The following SLIT3 variants were observed in gnomAD, a reference collection of about 807,000 sequenced individuals.
SLIT3 encodes the protein slit homolog 3 protein.
Under a neutral mutation model 184.0 loss-of-function variants are expected in SLIT3, and 68 were observed. The observed-to-expected ratio is 0.37, with a 90% CI of 0.30 to 0.45. The LOEUF is 0.45. Ranked by LOEUF, SLIT3 falls within the 20% of genes least tolerant of loss-of-function variation. SLIT3 has a pLI of 1.00. For synonymous variants in SLIT3, 831 were observed against 828.6 expected (o/e 1.00, Z -0.05); for missense variants, 1,707 against 2,026.0 (o/e 0.84, Z 3.02).
intron 4 of SLIT3, among the ~76,000 whole-genome samples, chr5:168,932,578 G>A (rs1360199279): frequency 6.6e-6 from 1 of 152,122 alleles, no homozygotes; most frequent in East Asian, 1.9e-4. Flanking sequence ...AGATAGTATA[G>A]ATAAGCGACT....
chr5:169,164,562 C>T (rs565785463), intron 4 of SLIT3, among the ~76,000 whole-genome samples: 49 of 152,290 alleles, frequency 3.2e-4, no homozygotes, highest in African/African-American at 1.0e-3. Context: ...CCATTCTCTC[C>T]GGGCTGTTCT....
At chr5:168,960,707 A>T (rs1289235428) in intron 4 of SLIT3, among the ~76,000 whole-genome samples, 1 of 152,242 alleles carries the variant, frequency 6.6e-6, no homozygotes, top group Non-Finnish European at 1.5e-5. Context: ...CTGCTTCCTC[A>T]GTGTCCCAGA....
intron 12 of SLIT3, among the ~76,000 whole-genome samples, chr5:168,776,832 T>C (rs143558464): frequency 8.6e-4 from 131 of 152,072 alleles, no homozygotes; most frequent in African/African-American, 3.1e-3. Context: ...ACACAGTGTT[T>C]TGATTTTTTT....
chr5:169,045,720 A>AACC (rs146207877), intron 4 of SLIT3, among the ~76,000 whole-genome samples: 166 of 152,292 alleles, frequency 1.1e-3, no homozygotes, highest in African/African-American at 3.6e-3. Context: ...CCAGGAGCCA[A>AACC]ACCACAGCAA....
rs369999787 is a variant in SLIT3 at position 169,193,589 on chromosome 5, T to C, written c.342-39A>G. On this transcript the variant is annotated intron_variant, in intron 3 of 35. Coordinates refer to ENST00000519560, the MANE Select transcript of SLIT3 (RefSeq NM_003062.4). ...AGAATGGAAGGATGTCAAGGGGACA[T>C]TAAACCAGATCAAACGTATTCAGAT... The C allele has an allele frequency of 2.7e-6, 4 of 1,476,512 alleles. No individual in the cohort carries two copies. The African/African-American group carries it at 5.5e-5, about 20-fold the overall frequency. 91.5% of individuals were successfully genotyped at this position (1,476,512 alleles called of 1,614,324 possible).
chr5:168,673,077 A>G (rs1761302551), intron 33 of SLIT3, 100 bp downstream of exon 33: 2 of 1,163,410 alleles, frequency 1.7e-6, no homozygotes, highest in Admixed American at 4.0e-5. Flanking sequence ...CCCTTCCTCC[A>G]GGAAGCCTTC....
At chr5:169,007,239 A>G (rs867952299) in intron 4 of SLIT3, among the ~76,000 whole-genome samples, 43 of 151,986 alleles carry the variant, frequency 2.8e-4, no homozygotes, top group African/African-American at 8.9e-4. Context: ...CTGTGACTCA[A>G]ATAAATTTTT....
intron 4 of SLIT3, among the ~76,000 whole-genome samples, chr5:169,182,097 G>A (rs753041578): frequency 3.9e-5 from 6 of 152,120 alleles, no homozygotes; most frequent in African/African-American, 1.4e-4. Context: ...TTTTGGCTAC[G>A]CAACAGGCAG....
At chr5:169,130,654 T>C (rs1447739553) in intron 4 of SLIT3, among the ~76,000 whole-genome samples, 1 of 152,188 alleles carries the variant, frequency 6.6e-6, no homozygotes, top group African/African-American at 2.4e-5. Context: ...TGAGCAAATA[T>C]ATGGAAATAG....
chr5:169,010,901 T>C (rs1756117939), intron 4 of SLIT3, among the ~76,000 whole-genome samples: 1 of 148,200 alleles, frequency 6.7e-6, no homozygotes. Context: ...AGAGTGAGAC[T>C]CTGTTTCCAA....
chr5:169,122,844 G>A (rs1419605042), intron 4 of SLIT3, among the ~76,000 whole-genome samples: 1 of 152,090 alleles, frequency 6.6e-6, no homozygotes, highest in African/African-American at 2.4e-5. Flanking sequence ...GCACATAATA[G>A]GATAGTAGAA....
chr5:168,894,051 C>G (rs1760570574), intron 4 of SLIT3, among the ~76,000 whole-genome samples: 1 of 152,170 alleles, frequency 6.6e-6, no homozygotes, highest in African/African-American at 2.4e-5. Flanking sequence ...ATCCTCTTAT[C>G]TTTTCCTGAA....
intron 12 of SLIT3, 49 bp from the exon 13 acceptor site, chr5:168,774,427 T>C: frequency 6.4e-7 from 1 of 1,563,964 alleles, no homozygotes; most frequent in Non-Finnish European, 8.7e-7. Flanking sequence ...GGTAATTACC[T>C]GCGGGGCAAG....
At chr5:168,991,459 G>A (rs1755325415) in intron 4 of SLIT3, among the ~76,000 whole-genome samples, 1 of 152,224 alleles carries the variant, frequency 6.6e-6, no homozygotes, top group Non-Finnish European at 1.5e-5. Context: ...GGAGCCCCAG[G>A]TGCTGTGTGG....
chr5:169,175,557 G>C (rs1011358424), intron 4 of SLIT3, among the ~76,000 whole-genome samples: 2 of 152,198 alleles, frequency 1.3e-5, no homozygotes, highest in Non-Finnish European at 1.5e-5. Flanking sequence ...GGCATTTAGA[G>C]CCCCTGGTGC....
chr5:169,245,952 C>T (rs1388085676), intron 2 of SLIT3, among the ~76,000 whole-genome samples: 1 of 152,208 alleles, frequency 6.6e-6, no homozygotes, highest in Non-Finnish European at 1.5e-5. Context: ...CCTAGCACAG[C>T]AGGCACTTCA....
chr5:168,956,961 G>C (rs1214998312), intron 4 of SLIT3, among the ~76,000 whole-genome samples: 1 of 151,722 alleles, frequency 6.6e-6, no homozygotes, highest in Non-Finnish European at 1.5e-5. Flanking sequence ...AAAGGCAGTG[G>C]CTCACACCTG....
At chr5:169,112,758 G>C (rs1561672719) in intron 4 of SLIT3, among the ~76,000 whole-genome samples, 1 of 152,052 alleles carries the variant, frequency 6.6e-6, no homozygotes, top group African/African-American at 2.4e-5. Flanking sequence ...GAGATCAGAG[G>C]GCAAGAGGAC....
rs1348941686 is a variant in SLIT3, at chr5:169,132,632, A to G, written c.413+60847T>C. On this transcript the variant is annotated intron_variant, in intron 4 of 35. Transcript: ENST00000519560. Reference sequence around the variant, plus strand: ...AAATCTAAGTTTGCATGAACTAAGCAGGAACCAGGACTTCTCAAAAAGCAT... The same window carrying G: ...AAATCTAAGTTTGCATGAACTAAGCGGGAACCAGGACTTCTCAAAAAGCAT... Among the ~76,000 whole-genome samples, 6 of 152,324 alleles carry G rather than the reference A, an allele frequency of 3.9e-5. No individual in the cohort carries two copies. In the East Asian group the frequency reaches 1.2e-3, roughly 29 times the overall value.
Sources: gnomAD v4.1 joint callset for allele counts (sites outside exome capture counted in the v4.1 genomes callset) on GRCh38, gnomAD v4.1.1 for gene constraint, MANE v1.5 for transcripts, NCBI Gene and HGNC (gene_info 2026-07-23, HGNC 2026-07-21) for gene names.